AKAP19: variants seen among roughly 807,000 people sequenced by gnomAD.
AKAP19 encodes A-kinase anchoring protein 19.
At chr2:189,925,269 T>G in the AKAP19 span, among the ~76,000 whole-genome samples, 1 of 151,782 alleles carries the variant, frequency 6.6e-6, no homozygotes, top group Non-Finnish European at 1.5e-5. Flanking sequence ...AGGAATGTAA[T>G]CCTCGGTGGT....
chr2:189,927,830 A>G, the AKAP19 span, among the ~76,000 whole-genome samples: 1 of 152,196 alleles, frequency 6.6e-6, no homozygotes, highest in African/African-American at 2.4e-5. Context: ...TAAATACATT[A>G]GAAATTCAGT....
At chr2:190,148,762 A>T in the AKAP19 span, among the ~76,000 whole-genome samples, 1 of 152,158 alleles carries the variant, frequency 6.6e-6, no homozygotes, top group Non-Finnish European at 1.5e-5. Context: ...GAACTTACCC[A>T]TCTCTTCTAA....
chr2:189,932,173 C>G, the AKAP19 span, among the ~76,000 whole-genome samples: 28 of 152,032 alleles, frequency 1.8e-4, no homozygotes, highest in Non-Finnish European at 1.5e-5. Context: ...CTTTTTATGA[C>G]AAATGGTCGT....
At chr2:190,169,119 CAAT>C in the AKAP19 span, among the ~76,000 whole-genome samples, 6 of 152,084 alleles carry the variant, frequency 3.9e-5, no homozygotes, top group Non-Finnish European at 5.9e-5. Context: ...GAAGGCCTCA[CAAT>C]GATGGCAGAA....
the AKAP19 span, among the ~76,000 whole-genome samples, chr2:189,991,798 GA>G: frequency 6.6e-6 from 1 of 152,012 alleles, no homozygotes; most frequent in Admixed American, 6.6e-5. Flanking sequence ...AAGATTTTTT[GA>G]AGTTATCTTC....
At chr2:189,895,607 C>G in the AKAP19 span, among the ~76,000 whole-genome samples, 1 of 152,098 alleles carries the variant, frequency 6.6e-6, no homozygotes, top group African/African-American at 2.4e-5. Context: ...CAATACTGGT[C>G]TTACTGCCCT....
the AKAP19 span, among the ~76,000 whole-genome samples, chr2:189,979,821 C>T: frequency 6.6e-6 from 1 of 152,082 alleles, no homozygotes; most frequent in African/African-American, 2.4e-5. Context: ...TGAAAAAATG[C>T]TCCACATCAC....
At chr2:189,976,613 G>A in the AKAP19 span, among the ~76,000 whole-genome samples, 25 of 152,340 alleles carry the variant, frequency 1.6e-4, no homozygotes, top group East Asian at 3.9e-4. Flanking sequence ...CTTGAGCTGC[G>A]GTGGGTTCCA....
At chr2:190,040,700 G>A in the AKAP19 span, among the ~76,000 whole-genome samples, 151,794 of 152,376 alleles carry the variant, frequency 1, 75,610 homozygotes, top group Non-Finnish European at 1. Context: ...ATTTTTGTAT[G>A]TGGTTTAAGG....
At chr2:190,056,991 G>A in the AKAP19 span, 2 of 398,716 alleles carry the variant, frequency 5.0e-6, no homozygotes, top group Admixed American at 8.2e-5. Context: ...CGCCGATGTT[G>A]TAATATATAG....
At chr2:190,089,980 T>C in the AKAP19 span, among the ~76,000 whole-genome samples, 1 of 152,196 alleles carries the variant, frequency 6.6e-6, no homozygotes, top group Admixed American at 6.5e-5. Flanking sequence ...GCAGTGTTTC[T>C]AGTCCTTTGG....
chr2:189,954,277 C>A, the AKAP19 span, among the ~76,000 whole-genome samples: 1 of 152,178 alleles, frequency 6.6e-6, no homozygotes, highest in Non-Finnish European at 1.5e-5. Flanking sequence ...ACAATAGATT[C>A]TAAGTGGCAT....
chr2:189,949,669 C>T, the AKAP19 span, among the ~76,000 whole-genome samples: 1 of 133,316 alleles, frequency 7.5e-6, no homozygotes, highest in Non-Finnish European at 1.6e-5. Flanking sequence ...GAGTCTCACT[C>T]TCACCAGGCT....
chr2:189,917,063 G>A, the AKAP19 span, among the ~76,000 whole-genome samples: 2 of 152,082 alleles, frequency 1.3e-5, no homozygotes, highest in African/African-American at 4.8e-5. Context: ...TCAAAATAAG[G>A]TTCTTGAAGA....
the AKAP19 span, among the ~76,000 whole-genome samples, chr2:190,139,797 C>G: frequency 6.6e-6 from 1 of 152,042 alleles, no homozygotes; most frequent in Non-Finnish European, 1.5e-5. Context: ...CTCCCCCGGC[C>G]CCTCCCAAAT....
At chr2:189,947,048 A>G in the AKAP19 span, among the ~76,000 whole-genome samples, 8 of 152,162 alleles carry the variant, frequency 5.3e-5, no homozygotes, top group Non-Finnish European at 1.2e-4. Flanking sequence ...TCTTTTTTCA[A>G]AATGGAGTGA....
chr2:189,910,646 G>A, the AKAP19 span, among the ~76,000 whole-genome samples: 1 of 151,472 alleles, frequency 6.6e-6, no homozygotes, highest in Non-Finnish European at 1.5e-5. Context: ...GAGACAAAGC[G>A]TAACCATATT....
the AKAP19 span, among the ~76,000 whole-genome samples, chr2:190,194,070 A>C: frequency 1.3e-5 from 2 of 152,118 alleles, no homozygotes; most frequent in Non-Finnish European, 2.9e-5. Flanking sequence ...TTAGTTTCCA[A>C]ATATATGAGG....
the AKAP19 span, among the ~76,000 whole-genome samples, chr2:190,123,856 A>G: frequency 6.6e-6 from 1 of 152,206 alleles, no homozygotes; most frequent in African/African-American, 2.4e-5. Flanking sequence ...CCTCAATGTG[A>G]GTGGCCACCA....
Sources: gnomAD v4.1 joint callset for allele counts (sites outside exome capture counted in the v4.1 genomes callset) on GRCh38, gnomAD v4.1.1 for gene constraint, MANE v1.5 for transcripts, NCBI Gene and HGNC (gene_info 2026-07-23, HGNC 2026-07-21) for gene names.